FAM178B: variants seen among roughly 807,000 people sequenced by gnomAD.
The protein encoded by FAM178B is family with sequence similarity 178 member B, also known as protein FAM178B.
In FAM178B, 82 loss-of-function variants were observed where a neutral mutation model predicts 91.7. The ratio of observed to expected loss-of-function variants is 0.89; its 90% CI spans 0.75 to 1.07. The LOEUF (loss-of-function observed/expected upper bound fraction) is 1.07, where lower values mean the gene tolerates loss of function less well. Among genes scored for constraint, FAM178B ranks in the 50% least tolerant of loss-of-function variants. The pLI, the probability that FAM178B is intolerant of heterozygous loss-of-function variation, is 0.00. For synonymous variants in FAM178B, 368 were observed against 359.4 expected, an observed-to-expected ratio of 1.02 and a Z score of -0.27; for missense variants, 769 against 846.7, an observed-to-expected ratio of 0.91 and a Z score of 1.14.
In FAM178B at chr2:96,910,490, C is replaced by T. The variant is rs148343129; in HGVS notation, c.1563-7783G>A. On this transcript the variant is annotated intron_variant, in intron 12 of 16. Coordinates refer to ENST00000490605, the MANE Select transcript of FAM178B (RefSeq NM_001122646.3). The stretch of plus-strand genomic sequence containing the variant: ...AAATACGAATTGTGTAGTGTTGTTC[C>T]GTCTGCATCAGGGCTAACGTTTTAC... 2.5e-3 allele frequency among the ~76,000 whole-genome samples: 379 copies of T among 152,312 alleles called. 3 individuals carry two copies. Among genetic ancestry groups the T allele is most frequent in the African/African-American group, 7.9e-3 (329 of 41,580 alleles).
At chr2:96,882,895 T>C (rs771654007) in intron 14 of FAM178B, among the ~76,000 whole-genome samples, 1 of 152,176 alleles carries the variant, frequency 6.6e-6, no homozygotes, top group Non-Finnish European at 1.5e-5. Context: ...GTCAACATCA[T>C]GGGGAAAGGC....
At chr2:96,900,752 C>T (rs1165565532) in intron 13 of FAM178B, among the ~76,000 whole-genome samples, 3 of 152,044 alleles carry the variant, frequency 2.0e-5, no homozygotes, top group Non-Finnish European at 4.4e-5. Context: ...AGGCAAAAGC[C>T]AGGCCGAAGC....
chr2:96,918,212 A>C (rs1294403930), intron 12 of FAM178B, among the ~76,000 whole-genome samples: 7 of 152,186 alleles, frequency 4.6e-5, no homozygotes, highest in Non-Finnish European at 8.8e-5. Flanking sequence ...AGTTCACTGA[A>C]AGGTACCATA....
intron 8 of FAM178B, among the ~76,000 whole-genome samples, chr2:96,930,014 G>C (rs1329071794): frequency 6.6e-6 from 1 of 152,024 alleles, no homozygotes; most frequent in Admixed American, 6.6e-5. Context: ...CAAGAAGTTC[G>C]AGACTAGCCT....
intron 5 of FAM178B, among the ~76,000 whole-genome samples, chr2:96,962,453 GAA>G (rs2082094367): frequency 1.3e-5 from 2 of 149,366 alleles, no homozygotes; most frequent in African/African-American, 5.0e-5. Flanking sequence ...AAGAAAGAAA[GAA>G]AGAAAGAAAA....
Position 96,885,425 on chromosome 2 carries a change from G to GCTGGGGC in FAM178B, c.1777-6939_1777-6933dup, listed in dbSNP as rs942736235. Among the ~76,000 whole-genome samples the GCTGGGGC allele has an allele frequency of 3.9e-5, 6 of 152,358 alleles. 1 individual carries two copies. Among genetic ancestry groups the GCTGGGGC allele is most frequent in the Non-Finnish European group, 2.9e-5 (2 of 68,032 alleles). ...GGGGATCTCTTAAGTTCTATCTCTA[G>GCTGGGGC]CTGGGGCCTGGGGCCTGGGCCCTGA... On this transcript the variant is annotated intron_variant, in intron 14 of 16. Transcript: ENST00000490605.
intron 16 of FAM178B, among the ~76,000 whole-genome samples, chr2:96,877,249 A>C (rs2080265415): frequency 2.0e-5 from 3 of 152,124 alleles, no homozygotes; most frequent in Admixed American, 2.0e-4. Flanking sequence ...CCCACAGCAC[A>C]AGTGAACAGC....
At chr2:96,970,989 C>G (rs1318926842) in intron 3 of FAM178B, among the ~76,000 whole-genome samples, 2 of 152,054 alleles carry the variant, frequency 1.3e-5, no homozygotes, top group Admixed American at 1.3e-4. Flanking sequence ...GTTCCCTCCC[C>G]ACAGGTGCCC....
intron 12 of FAM178B, among the ~76,000 whole-genome samples, chr2:96,910,797 ATTT>A (rs200071141): frequency 2.9e-5 from 4 of 136,196 alleles, no homozygotes; most frequent in Non-Finnish European, 4.8e-5. Flanking sequence ...TCTCTTCTTA[ATTT>A]TTTTTTTTTT....
At position 96,876,114 on chromosome 2, in the gene FAM178B, G is replaced by C. The variant is rs528469437; in HGVS notation, c.*162C>G. On this transcript the variant is annotated 3_prime_UTR_variant, in exon 17 of 17. Coordinates refer to ENST00000490605, the MANE Select transcript of FAM178B (RefSeq NM_001122646.3). ...GCGGTGGCAGAGGCAGGCTCTTGCA[G>C]AGAGGAGAGGGGTCGGGGCGGTGGC... 2 of 678,300 alleles carry C rather than the reference G, an allele frequency of 2.9e-6. No homozygotes were observed. The highest frequency in any genetic ancestry group is 5.5e-5 in the Admixed American group (2 of 36,206). 42.0% of individuals were successfully genotyped at this position (678,300 alleles called of 1,614,324 possible).
At chr2:96,905,860 ATTTTTTTTTTTTTTTTT>A (rs1161397180) in intron 12 of FAM178B, among the ~76,000 whole-genome samples, 23 of 23,276 alleles carry the variant, frequency 9.9e-4, no homozygotes, top group African/African-American at 5.1e-3. Flanking sequence ...ATATATATAT[ATTTTTTTTTTTTTTTTT>A]TTTTTTTTTT....
At chr2:96,916,810 C>T (rs774711959) in intron 12 of FAM178B, among the ~76,000 whole-genome samples, 24 of 152,190 alleles carry the variant, frequency 1.6e-4, no homozygotes, top group Non-Finnish European at 3.4e-4. Context: ...CAGGAGTTCT[C>T]GCTTTGTGCT....
chr2:96,928,602 T>C (rs2081486965), intron 9 of FAM178B, among the ~76,000 whole-genome samples: 1 of 152,162 alleles, frequency 6.6e-6, no homozygotes, highest in African/African-American at 2.4e-5. Flanking sequence ...CTCAAGGGAC[T>C]GGGACGTGTC....
intron 6 of FAM178B, 73 bp downstream of exon 6, chr2:96,960,215 T>C: frequency 2.0e-6 from 3 of 1,504,694 alleles, no homozygotes; most frequent in Non-Finnish European, 2.7e-6. Flanking sequence ...GGGTGGCCCT[T>C]ATCCCTGGAC....
At chr2:96,947,941 G>A (rs1444554353) in intron 7 of FAM178B, 39 bp from the exon 8 acceptor site, 1 of 1,118,150 alleles carries the variant, frequency 8.9e-7, no homozygotes, top group Non-Finnish European at 1.3e-6. Flanking sequence ...AACCTGGTGA[G>A]CTGGGTCATT....
intron 1 of FAM178B, among the ~76,000 whole-genome samples, chr2:96,973,414 C>T (rs1445252021): frequency 6.6e-6 from 1 of 152,130 alleles, no homozygotes; most frequent in Non-Finnish European, 1.5e-5. Context: ...TGCATTTTCG[C>T]TGAATGAATG....
chr2:96,967,344 A>G (rs1258404932), intron 5 of FAM178B, among the ~76,000 whole-genome samples, 176 bp downstream of exon 5: 2 of 152,244 alleles, frequency 1.3e-5, no homozygotes, highest in Non-Finnish European at 2.9e-5. Context: ...GTAGGTGATC[A>G]GATCTTTCTT....
At chr2:96,902,575 C>T (rs1318384473) in intron 13 of FAM178B, 45 bp downstream of exon 13, 2 of 1,385,390 alleles carry the variant, frequency 1.4e-6, no homozygotes, top group Non-Finnish European at 2.0e-6. Flanking sequence ...CCTCCAGAGC[C>T]CGCAGGCCAT....
chr2:96,967,909 G>GTTTTTTTTTTTTTTTTTTTTTTTTT (rs1318481195), intron 4 of FAM178B, among the ~76,000 whole-genome samples: 1 of 40,228 alleles, frequency 2.5e-5, no homozygotes, highest in Non-Finnish European at 1.0e-4. Flanking sequence ...ACCCTGTTTG[G>GTTTTTTTTTTTTTTTTTTTTTTTTT]TCTTTTTTTT....
Sources: gnomAD v4.1 joint callset for allele counts (sites outside exome capture counted in the v4.1 genomes callset) on GRCh38, gnomAD v4.1.1 for gene constraint, MANE v1.5 for transcripts, NCBI Gene and HGNC (gene_info 2026-07-23, HGNC 2026-07-21) for gene names.